The following MYO3B variants were observed in gnomAD, a reference collection of about 807,000 sequenced individuals.
The protein encoded by MYO3B is myosin-IIIb.
A neutral mutation model predicts 174.6 loss-of-function variants in MYO3B; 156 were observed. That is an observed-to-expected ratio of 0.89 (90% CI 0.78 to 1.02). The LOEUF (loss-of-function observed/expected upper bound fraction) is 1.02, where lower values mean the gene tolerates loss of function less well. Among genes scored for constraint, MYO3B ranks in the 50% least tolerant of loss-of-function variants. The pLI is 0.00. For missense variants in MYO3B, 1,632 were observed against 1,639.4 expected, an observed-to-expected ratio of 1.00 and a Z score of 0.08; for synonymous variants, 563 against 569.1, an observed-to-expected ratio of 0.99 and a Z score of 0.15.
chr2:170,367,815 A>G (rs2094210127), intron 8 of MYO3B, among the ~76,000 whole-genome samples: 1 of 152,194 alleles, frequency 6.6e-6, no homozygotes, highest in East Asian at 1.9e-4. Context: ...TAGATTATAC[A>G]AAAAGCCCTG....
At position 170,653,058 on chromosome 2, in the gene MYO3B, C is replaced by CAACT; in HGVS notation, c.3964_3967dup (p.Ser1323Ter). ...CAGTGGACTGTATCCCTGAGGAGAA[C>CAACT]AACTCAGCCCACCCTTCCTTTTTTT... On this transcript the variant is annotated frameshift_variant, in exon 35 of 35. Transcript: ENST00000408978. LOFTEE classifies it high-confidence loss of function. 6.2e-7 allele frequency: 1 copy of CAACT among 1,614,162 alleles called. No individual in the cohort carries two copies. The highest frequency in any genetic ancestry group is 8.5e-7 in the Non-Finnish European group (1 of 1,180,000).
At chr2:170,311,585 C>CT (rs963602111) in intron 7 of MYO3B, among the ~76,000 whole-genome samples, 5 of 148,544 alleles carry the variant, frequency 3.4e-5, no homozygotes, top group Admixed American at 6.8e-5. Context: ...TGGTGATGTC[C>CT]TTTGAAACAT....
In MYO3B at chr2:170,597,730, T is replaced by G. The variant is rs79974991; in HGVS notation, c.3733+53742T>G. On this transcript the variant is annotated intron_variant, in intron 32 of 34. Transcript: ENST00000408978. ...TGGTATTATCCTCAAGGCGAATGAATCTTCTGGACAAGTAGATATAATAAT... is the reference window on the plus strand; with the variant it reads ...TGGTATTATCCTCAAGGCGAATGAAGCTTCTGGACAAGTAGATATAATAAT... Among the ~76,000 whole-genome samples the G allele has an allele frequency of 1.0e-3, 158 of 152,344 alleles. 4 individuals are homozygous for G. In the East Asian group the frequency reaches 0.026, roughly 25 times the overall value.
At chr2:170,594,309 A>T (rs1341501839) in intron 32 of MYO3B, among the ~76,000 whole-genome samples, 2 of 152,128 alleles carry the variant, frequency 1.3e-5, no homozygotes, top group African/African-American at 4.8e-5. Context: ...AGTTAAAAAA[A>T]AGTATCGTCA....
intron 8 of MYO3B, among the ~76,000 whole-genome samples, chr2:170,361,086 A>G (rs1388747451): frequency 1.3e-5 from 2 of 152,202 alleles, no homozygotes; most frequent in Admixed American, 6.5e-5. Context: ...CCCAGCAACT[A>G]GTACAGTGTC....
intron 8 of MYO3B, chr2:170,343,377 G>T (rs996129203): frequency 8.6e-5 from 13 of 151,904 alleles, no homozygotes; most frequent in African/African-American, 2.9e-4. Context: ...TGAGGTTATA[G>T]TGAGCTAATT....
chr2:170,379,201 T>G (rs2094317003), intron 9 of MYO3B, among the ~76,000 whole-genome samples: 1 of 150,946 alleles, frequency 6.6e-6, no homozygotes, highest in African/African-American at 2.5e-5. Flanking sequence ...ACAATTTTTT[T>G]TTTTTTTTTT....
chr2:170,473,144 T>TC (rs1205103622), intron 25 of MYO3B, among the ~76,000 whole-genome samples: 3 of 108,732 alleles, frequency 2.8e-5, no homozygotes, highest in Non-Finnish European at 1.8e-5. Context: ...CTTTTCTTTT[T>TC]TTTTTTTTTT....
In MYO3B at chr2:170,535,882, A is replaced by G. The variant is rs148959118; in HGVS notation, c.3576-7024A>G. Among the ~76,000 whole-genome samples the G allele has an allele frequency of 3.3e-4, 51 of 152,324 alleles. 1 individual carries two copies. In the East Asian group the frequency reaches 8.3e-3, roughly 25 times the overall value. ...ACGGCTCTGTATCCCTTCAGATCAC[A>G]ATACCCTTCTCCACTACTGCGTCTC... On this transcript the variant is annotated intron_variant, in intron 30 of 34. Coordinates refer to ENST00000408978, the MANE Select transcript of MYO3B (RefSeq NM_138995.5).
At position 170,653,128 on chromosome 2, in the gene MYO3B, C is replaced by T. The variant is rs1333991778; in HGVS notation, c.*7C>T. 6.2e-7 allele frequency: 1 copy of T among 1,614,032 alleles called. No homozygotes were observed. The highest frequency in any genetic ancestry group is 1.7e-5 in the Admixed American group (1 of 60,022). ...CTCTTTTGCTCAACATTAAATTGTG[C>T]TTCCTAACCCTAAATCTGTCCAGAG... On this transcript the variant is annotated 3_prime_UTR_variant, in exon 35 of 35. Coordinates refer to ENST00000408978, the MANE Select transcript of MYO3B (RefSeq NM_138995.5).
chr2:170,490,562 C>A (rs1431439445), intron 25 of MYO3B, among the ~76,000 whole-genome samples: 1 of 151,656 alleles, frequency 6.6e-6, no homozygotes, highest in Non-Finnish European at 1.5e-5. Context: ...CTGGATAGGA[C>A]GTCTGGTACA....
At chr2:170,364,128 G>C (rs1486987318) in intron 8 of MYO3B, among the ~76,000 whole-genome samples, 1 of 152,134 alleles carries the variant, frequency 6.6e-6, no homozygotes, top group Non-Finnish European at 1.5e-5. Context: ...TGTCCCCTCA[G>C]TCCACTGAGT....
At chr2:170,209,607 A>T (rs976343488) in intron 3 of MYO3B, among the ~76,000 whole-genome samples, 12 of 152,192 alleles carry the variant, frequency 7.9e-5, no homozygotes, top group Non-Finnish European at 1.6e-4. Flanking sequence ...GGTTTATTAT[A>T]AACTATCTTT....
At chr2:170,631,065 G>A (rs578109535) in intron 32 of MYO3B, among the ~76,000 whole-genome samples, 83 of 152,318 alleles carry the variant, frequency 5.4e-4, no homozygotes, top group African/African-American at 1.2e-3. Flanking sequence ...ACTTTGACGA[G>A]TTGAGAGAAG....
intron 32 of MYO3B, among the ~76,000 whole-genome samples, chr2:170,651,123 G>T (rs907187958): frequency 6.6e-6 from 1 of 152,098 alleles, no homozygotes; most frequent in African/African-American, 2.4e-5. Context: ...CAGTGGTATT[G>T]TTCAAAGCAT....
At chr2:170,264,455 G>C (rs1004065759) in intron 7 of MYO3B, among the ~76,000 whole-genome samples, 9 of 152,156 alleles carry the variant, frequency 5.9e-5, no homozygotes, top group Non-Finnish European at 1.2e-4. Context: ...ACATTCTACT[G>C]GTCAGGACAA....
chr2:170,529,172 G>T (rs1470325371), intron 30 of MYO3B, among the ~76,000 whole-genome samples: 1 of 152,064 alleles, frequency 6.6e-6, no homozygotes, highest in Admixed American at 6.5e-5. Context: ...TGGACACGAA[G>T]AGGAGAACAA....
intron 32 of MYO3B, among the ~76,000 whole-genome samples, chr2:170,622,116 C>G (rs1455005859): frequency 6.6e-6 from 1 of 152,182 alleles, no homozygotes; most frequent in Non-Finnish European, 1.5e-5. Context: ...ACATCCTTTA[C>G]TTATATAGTT....
intron 7 of MYO3B, among the ~76,000 whole-genome samples, chr2:170,332,921 A>G (rs142955974): frequency 9.2e-5 from 14 of 152,308 alleles, no homozygotes; most frequent in African/African-American, 3.4e-4. Flanking sequence ...CTCTACTTAT[A>G]GAAGAGAGAT....
Sources: allele counts gnomAD v4.1 joint callset (sites outside exome capture counted in the v4.1 genomes callset), GRCh38; gene constraint gnomAD v4.1.1; transcripts MANE v1.5; gene names NCBI Gene and HGNC (gene_info 2026-07-23, HGNC 2026-07-21).